The following FRMD3 variants were observed in gnomAD, a reference collection of about 807,000 sequenced individuals.
FRMD3 encodes FERM domain-containing protein 3.
FRMD3 carries 33 observed loss-of-function variants against 70.2 expected under a neutral mutation model. The ratio of observed to expected loss-of-function variants is 0.47; its 90% CI spans 0.36 to 0.63. FRMD3 has a LOEUF of 0.63. Among genes scored for constraint, FRMD3 ranks in the 20% least tolerant of loss-of-function variants. The pLI, the probability that FRMD3 is intolerant of heterozygous loss-of-function variation, is 0.00. For synonymous variants in FRMD3, 279 were observed against 255.9 expected (o/e 1.09, Z -0.86); for missense variants, 632 against 711.4 (o/e 0.89, Z 1.27).
chr9:83,479,051 A>T (rs553810560), intron 1 of FRMD3, among the ~76,000 whole-genome samples: 5 of 152,230 alleles, frequency 3.3e-5, no homozygotes, highest in African/African-American at 1.2e-4. Flanking sequence ...AAAATTATAT[A>T]AAAAACTATA....
chr9:83,572,178 C>T, the FRMD3 span, among the ~76,000 whole-genome samples: 12 of 151,174 alleles, frequency 7.9e-5, no homozygotes, highest in African/African-American at 1.7e-4. Flanking sequence ...TGTGTGCATG[C>T]GCATGTGTGT....
chr9:83,466,327 A>G (rs1828126130), intron 1 of FRMD3, among the ~76,000 whole-genome samples: 2 of 152,228 alleles, frequency 1.3e-5, no homozygotes, highest in Admixed American at 1.3e-4. Flanking sequence ...CATCAAAAAG[A>G]CATGATGCTC....
chr9:83,395,669 C>T (rs928697016), intron 1 of FRMD3, among the ~76,000 whole-genome samples: 93 of 152,008 alleles, frequency 6.1e-4, no homozygotes, highest in African/African-American at 2.2e-3. Context: ...TTTACTTCAA[C>T]TCCCAAGTTC....
At chr9:83,434,809 C>G (rs931200141) in intron 1 of FRMD3, among the ~76,000 whole-genome samples, 18 of 148,986 alleles carry the variant, frequency 1.2e-4, no homozygotes, top group African/African-American at 3.7e-4. Flanking sequence ...TCCCCTCCCC[C>G]ACCCCTCTGC....
intron 12 of FRMD3, among the ~76,000 whole-genome samples, chr9:83,293,208 T>C (rs1044273008): frequency 1.3e-5 from 2 of 152,134 alleles, no homozygotes; most frequent in Non-Finnish European, 2.9e-5. Flanking sequence ...GGGATAAAAA[T>C]TCGCCATGAG....
intron 2 of FRMD3, among the ~76,000 whole-genome samples, chr9:83,387,619 T>C (rs756821879): frequency 6.6e-6 from 1 of 152,236 alleles, no homozygotes; most frequent in Admixed American, 6.5e-5. Flanking sequence ...CAGAGTTTAT[T>C]TGGTCCACAG....
chr9:83,252,718 T>A (rs1832488491), intron 13 of FRMD3, among the ~76,000 whole-genome samples: 1 of 152,122 alleles, frequency 6.6e-6, no homozygotes, highest in Non-Finnish European at 1.5e-5. Context: ...GGGGTTGCAA[T>A]CCTAGATTCT....
At chr9:83,464,347 C>T (rs1466577239) in intron 1 of FRMD3, among the ~76,000 whole-genome samples, 3 of 152,170 alleles carry the variant, frequency 2.0e-5, no homozygotes, top group African/African-American at 7.2e-5. Context: ...AGCCCAAATC[C>T]ATGGTCACAG....
intron 1 of FRMD3, among the ~76,000 whole-genome samples, chr9:83,531,444 T>A (rs1428651677): frequency 6.6e-6 from 1 of 152,222 alleles, no homozygotes; most frequent in African/African-American, 2.4e-5. Context: ...TACATTTTTT[T>A]AGGATATACT....
At chr9:83,558,591 G>T in the FRMD3 span, among the ~76,000 whole-genome samples, 1 of 152,146 alleles carries the variant, frequency 6.6e-6, no homozygotes, top group African/African-American at 2.4e-5. Flanking sequence ...CATGGATCAA[G>T]GAGTAATTTA....
chr9:83,493,200 G>C (rs979880056), intron 1 of FRMD3, among the ~76,000 whole-genome samples: 2 of 152,132 alleles, frequency 1.3e-5, no homozygotes, highest in East Asian at 3.9e-4. Flanking sequence ...GGGAGCACTG[G>C]GGGCTATGTT....
intron 1 of FRMD3, among the ~76,000 whole-genome samples, chr9:83,425,469 C>T (rs889219091): frequency 2.6e-5 from 4 of 152,140 alleles, no homozygotes; most frequent in Non-Finnish European, 5.9e-5. Flanking sequence ...TCACAGACAA[C>T]AGGAGTATGC....
At chr9:83,585,351 A>C in the FRMD3 span, among the ~76,000 whole-genome samples, 4 of 152,210 alleles carry the variant, frequency 2.6e-5, no homozygotes, top group African/African-American at 7.2e-5. Flanking sequence ...AAGAAACTCT[A>C]TATATAATGC....
At chr9:83,350,325 A>C (rs1824104040) in intron 3 of FRMD3, among the ~76,000 whole-genome samples, 1 of 152,172 alleles carries the variant, frequency 6.6e-6, no homozygotes, top group South Asian at 2.1e-4. Flanking sequence ...CCTGTATGAA[A>C]ATAAACACTG....
intron 1 of FRMD3, among the ~76,000 whole-genome samples, chr9:83,393,069 C>T (rs920040813): frequency 1.3e-5 from 2 of 152,226 alleles, no homozygotes; most frequent in African/African-American, 4.8e-5. Flanking sequence ...ATTTGATAAT[C>T]TGTGCTTAAA....
intron 5 of FRMD3, among the ~76,000 whole-genome samples, chr9:83,336,546 C>A (rs1016575977): frequency 6.7e-6 from 1 of 150,050 alleles, no homozygotes; most frequent in Admixed American, 6.7e-5. Context: ...TAGAAGGAAC[C>A]CAGCGGGATT....
the FRMD3 span, among the ~76,000 whole-genome samples, chr9:83,560,784 C>T: frequency 6.6e-6 from 1 of 152,140 alleles, no homozygotes; most frequent in Non-Finnish European, 1.5e-5. Flanking sequence ...CATTAATGTG[C>T]CTCTTCTGTC....
chr9:83,456,979 C>CA (rs56964661), intron 1 of FRMD3, among the ~76,000 whole-genome samples: 48,847 of 150,636 alleles, frequency 0.32, 8,346 homozygotes, highest in Middle Eastern at 0.4. Flanking sequence ...GATCCTGTCT[C>CA]AAAAAAAAAT....
At chr9:83,352,484 C>T (rs1824193374) in intron 3 of FRMD3, among the ~76,000 whole-genome samples, 1 of 152,170 alleles carries the variant, frequency 6.6e-6, no homozygotes, top group African/African-American at 2.4e-5. Context: ...CAGAACTGCT[C>T]CCCAGTGCTC....
Sources: allele counts gnomAD v4.1 joint callset (sites outside exome capture counted in the v4.1 genomes callset), GRCh38; gene constraint gnomAD v4.1.1; transcripts MANE v1.5; gene names NCBI Gene and HGNC (gene_info 2026-07-23, HGNC 2026-07-21).